Variants in USP25 observed in about 807,000 individuals in gnomAD.
USP25 encodes ubiquitin specific peptidase 25.
Under a neutral mutation model 158.5 loss-of-function variants are expected in USP25, and 85 were observed. That is an observed-to-expected ratio of 0.54 (90% confidence interval 0.45 to 0.64). The LOEUF is 0.64. Ranked by LOEUF, USP25 falls within the 30% of genes least tolerant of loss-of-function variation. The probability of loss-of-function intolerance (pLI) is 0.00; values close to 1 mark genes in which losing one functional copy is unlikely to be tolerated. For missense variants in USP25, 1,242 were observed against 1,327.3 expected (o/e 0.94, Z 1.00); for synonymous variants, 464 against 460.4 (o/e 1.01, Z -0.10).
At chr21:15,828,715 T>C (rs1253766446) in intron 14 of USP25, among the ~76,000 whole-genome samples, 1 of 152,188 alleles carries the variant, frequency 6.6e-6, no homozygotes, top group African/African-American at 2.4e-5. Context: ...TCGGGCTCAC[T>C]CCAGCCTCTG....
Position 15,826,143 on chromosome 21 carries a change from A to G in USP25, c.1305-61A>G, listed in dbSNP as rs952191181. ...TATCGTATCACGTTTTATAATAATA[A>G]TAAAGGCCCAAATATGCTGTATATA... On this transcript the variant is annotated intron_variant, in intron 12 of 25. Coordinates refer to ENST00000400183, the MANE Select transcript of USP25 (RefSeq NM_001283041.3). This position sits in a 1 kb window ranked among gnomAD's most constrained non-coding sequence, Gnocchi z 4.8. 5 of 1,509,396 alleles carry G rather than the reference A, an allele frequency of 3.3e-6. No individual in the cohort carries two copies. The highest frequency in any genetic ancestry group is 2.8e-5 in the African/African-American group (2 of 71,710). The allele number at this position is 1,509,396 out of a possible 1,614,324, so 93.5% of individuals were successfully genotyped here.
Position 15,859,600 on chromosome 21 carries a change from A to G in USP25, c.2548-4668A>G, listed in dbSNP as rs531942846. Reference sequence around the variant, plus strand: ...CCAGCTCGAAAACATCGTGGGCTTGATATCTTTCGTGTTACCAGATTTCTA... The same window carrying G: ...CCAGCTCGAAAACATCGTGGGCTTGGTATCTTTCGTGTTACCAGATTTCTA... On this transcript the variant is annotated intron_variant, in intron 20 of 25. Transcript: ENST00000400183. Among the ~76,000 whole-genome samples, 25 of 152,174 alleles carry G rather than the reference A, an allele frequency of 1.6e-4. 1 individual carries two copies. The South Asian group carries it at 4.8e-3, about 29-fold the overall frequency.
intron 1 of USP25, among the ~76,000 whole-genome samples, chr21:15,753,276 G>T (rs1231149515): frequency 6.6e-6 from 1 of 152,172 alleles, no homozygotes; most frequent in Non-Finnish European, 1.5e-5. Context: ...GTTCACTTGG[G>T]TTCATCTGCA....
chr21:15,749,306 T>A (rs934948042), intron 1 of USP25, among the ~76,000 whole-genome samples: 2 of 152,228 alleles, frequency 1.3e-5, no homozygotes, highest in Admixed American at 6.5e-5. Flanking sequence ...ACTGAAGTAA[T>A]AATTGTATTC....
intron 17 of USP25, among the ~76,000 whole-genome samples, chr21:15,838,601 T>C (rs1447845821): frequency 6.6e-6 from 1 of 152,172 alleles, no homozygotes; most frequent in African/African-American, 2.4e-5. Context: ...CGTGGCTCTT[T>C]GTAGGCTCTT....
chr21:15,811,344 T>G, intron 9 of USP25, 134 bp downstream of exon 9: 2 of 754,974 alleles, frequency 2.6e-6, no homozygotes, highest in East Asian at 5.6e-5. Context: ...TTTGTTGGAT[T>G]GCTACTGTTA....
chr21:15,756,300 A>G (rs569392262), intron 1 of USP25, among the ~76,000 whole-genome samples: 1 of 152,256 alleles, frequency 6.6e-6, no homozygotes, highest in Non-Finnish European at 1.5e-5. Flanking sequence ...TTTGGAAGGG[A>G]AAACGGGGAG....
At chr21:15,808,240 C>G (rs1253907255) in intron 7 of USP25, among the ~76,000 whole-genome samples, 1 of 152,124 alleles carries the variant, frequency 6.6e-6, no homozygotes, top group Non-Finnish European at 1.5e-5. Context: ...ACAACCTATT[C>G]CTGTTTTTCC....
intron 1 of USP25, among the ~76,000 whole-genome samples, chr21:15,748,718 T>C (rs1482838782): frequency 6.6e-6 from 1 of 152,148 alleles, no homozygotes; most frequent in Admixed American, 6.5e-5. Flanking sequence ...AACTACTAAC[T>C]TAAAGGTAAC....
chr21:15,836,723 A>T (rs534142233), intron 17 of USP25, among the ~76,000 whole-genome samples: 14 of 141,198 alleles, frequency 9.9e-5, no homozygotes, highest in Middle Eastern at 3.7e-3. Context: ...ACTGTTGTTG[A>T]GATTTTCAGC....
At chr21:15,859,901 CTCCTACTTTATATTTTATTTT>C (rs1487754091) in intron 20 of USP25, among the ~76,000 whole-genome samples, 1 of 148,930 alleles carries the variant, frequency 6.7e-6, no homozygotes, top group Non-Finnish European at 1.5e-5. Context: ...TATTTTATTT[CTCCTACTTTATATTTTATTTT>C]TCTAAATTCT....
chr21:15,812,464 C>T (rs2036714958), intron 9 of USP25, among the ~76,000 whole-genome samples: 3 of 151,936 alleles, frequency 2.0e-5, no homozygotes, highest in East Asian at 1.9e-4. Context: ...CTGGCTAACA[C>T]GGTGAAACCC....
intron 22 of USP25, among the ~76,000 whole-genome samples, chr21:15,867,306 T>C (rs1391334645): frequency 6.6e-6 from 1 of 152,120 alleles, no homozygotes; most frequent in Admixed American, 6.6e-5. Flanking sequence ...AACTTAATTA[T>C]GGTACTTTAG....
chr21:15,818,677 TA>T lies in USP25; in HGVS notation c.932-19del. 1 of 1,595,850 alleles carries T rather than the reference TA, an allele frequency of 6.3e-7. No homozygotes were observed. Among genetic ancestry groups the T allele is most frequent in the Admixed American group, 1.7e-5 (1 of 57,802 alleles). Reference sequence around the variant, plus strand: ...GCCAGAAGGCCATATTGAGTATTATTAATTTTCTCCCTTCTTATAGGTAAAA... The same window carrying T: ...GCCAGAAGGCCATATTGAGTATTATTATTTTCTCCCTTCTTATAGGTAAAA... On this transcript the variant is annotated intron_variant, in intron 9 of 25. Transcript: ENST00000400183.
In USP25 at chr21:15,840,694, G is replaced by A. The variant is rs542464986; in HGVS notation, c.2195-1704G>A. 6.5e-4 allele frequency among the ~76,000 whole-genome samples: 99 copies of A among 152,264 alleles called. 1 individual carries two copies. Among genetic ancestry groups the A allele is most frequent in the Middle Eastern group, 3.4e-3 (1 of 294 alleles). ...ACCTTGGCCCTGGTGACCTAAGGTG[G>A]ATTTGACATGTGTTGATCAGATAAC... On this transcript the variant is annotated intron_variant, in intron 17 of 25. Transcript: ENST00000400183.
intron 1 of USP25, among the ~76,000 whole-genome samples, chr21:15,731,693 A>T (rs2030924098): frequency 6.6e-6 from 1 of 152,256 alleles, no homozygotes; most frequent in Non-Finnish European, 1.5e-5. Flanking sequence ...TATTATTGGT[A>T]AAGTTAGAAG....
intron 25 of USP25, 137 bp from the exon 26 acceptor site, chr21:15,878,166 G>A: frequency 8.4e-7 from 1 of 1,196,400 alleles, no homozygotes; most frequent in Non-Finnish European, 1.1e-6. Flanking sequence ...GTGCATTGCA[G>A]TTGCCATTTA....
chr21:15,768,340 T>A (rs1391762944), intron 3 of USP25, among the ~76,000 whole-genome samples: 1 of 152,142 alleles, frequency 6.6e-6, no homozygotes, highest in African/African-American at 2.4e-5. Context: ...TGTACTATGA[T>A]AGTATCAAAC....
chr21:15,755,920 G>C (rs932507883), intron 1 of USP25, among the ~76,000 whole-genome samples: 2 of 152,156 alleles, frequency 1.3e-5, no homozygotes, highest in African/African-American at 4.8e-5. Flanking sequence ...TTCAAGGGGA[G>C]ATGAGTGTGC....
Sources: allele counts gnomAD v4.1 joint callset (sites outside exome capture counted in the v4.1 genomes callset), GRCh38; gene constraint gnomAD v4.1.1; non-coding constraint Gnocchi (gnomAD v3.1); transcripts MANE v1.5; gene names NCBI Gene and HGNC (gene_info 2026-07-23, HGNC 2026-07-21).